NYAP2: variants seen among roughly 807,000 people sequenced by gnomAD.
NYAP2 encodes neuronal tyrosine-phosphorylated phosphoinositide-3-kinase adapter 2.
A neutral mutation model predicts 50.4 loss-of-function variants in NYAP2; 23 were observed. The observed-to-expected ratio is 0.46, with a 90% confidence interval of 0.33 to 0.65. NYAP2 has a LOEUF of 0.65. Ranked by LOEUF, NYAP2 falls within the 30% of genes least tolerant of loss-of-function variation. The probability of loss-of-function intolerance (pLI) is 0.02; values close to 1 mark genes in which losing one functional copy is unlikely to be tolerated. For synonymous variants in NYAP2, 394 were observed against 365.2 expected (o/e 1.08, Z -0.90); for missense variants, 885 against 861.0 (o/e 1.03, Z -0.35).
chr2:225,561,092 G>A (rs1691864131), intron 4 of NYAP2, among the ~76,000 whole-genome samples: 1 of 151,952 alleles, frequency 6.6e-6, no homozygotes, highest in Admixed American at 6.6e-5. Flanking sequence ...GTGGGAAGAG[G>A]CAGCGATATT....
chr2:225,456,237 A>G (rs1689737096), intron 3 of NYAP2, among the ~76,000 whole-genome samples: 1 of 152,218 alleles, frequency 6.6e-6, no homozygotes, highest in Non-Finnish European at 1.5e-5. Context: ...ACCCTTGCCC[A>G]GACTTTCTGC....
intron 4 of NYAP2, among the ~76,000 whole-genome samples, chr2:225,569,185 T>G (rs1052738958): frequency 2.0e-5 from 3 of 152,130 alleles, no homozygotes; most frequent in African/African-American, 7.2e-5. Context: ...GGCTGGTAAA[T>G]GATTACCTTT....
At chr2:225,587,601 T>C (rs1364681910) in intron 5 of NYAP2, among the ~76,000 whole-genome samples, 4 of 152,148 alleles carry the variant, frequency 2.6e-5, no homozygotes, top group Non-Finnish European at 4.4e-5. Context: ...TCTTCAGGTC[T>C]TTGGGTGTAG....
At chr2:225,481,782 T>G (rs1206861395) in intron 3 of NYAP2, among the ~76,000 whole-genome samples, 1 of 152,160 alleles carries the variant, frequency 6.6e-6, no homozygotes, top group Non-Finnish European at 1.5e-5. Flanking sequence ...TCCACCCCCT[T>G]AGGCATCCAT....
chr2:225,584,547 C>G (rs1042284287), intron 5 of NYAP2, among the ~76,000 whole-genome samples: 2 of 152,242 alleles, frequency 1.3e-5, no homozygotes, highest in Non-Finnish European at 2.9e-5. Flanking sequence ...GTAATCCCTC[C>G]ATGTGATTTT....
At chr2:225,656,771 A>T (rs1408669827), downstream of NYAP2, among the ~76,000 whole-genome samples, 1 of 151,684 alleles carries the variant, frequency 6.6e-6, no homozygotes, top group Non-Finnish European at 1.5e-5. Context: ...CTTTGCAGGG[A>T]CTGTGCTCAG....
rs1182934107 is a variant in NYAP2 at position 225,602,888 on chromosome 2, C to T, written c.1618+19853C>T. 2.0e-5 allele frequency among the ~76,000 whole-genome samples: 3 copies of T among 151,880 alleles called. No individual in the cohort carries two copies. The East Asian group carries it at 5.8e-4, about 29-fold the overall frequency. On this transcript the variant is annotated intron_variant, in intron 5 of 6. Transcript: ENST00000636099. ...GTTTTGAAATCGGGCCATGTGAGAC[C>T]TCCAATTTTGTTCTTCTTTTTCAAG...
chr2:225,544,277 T>C (rs1411388235), intron 4 of NYAP2, among the ~76,000 whole-genome samples: 1 of 151,898 alleles, frequency 6.6e-6, no homozygotes, highest in African/African-American at 2.4e-5. Flanking sequence ...GTTTAATCCA[T>C]TTATGTTCAA....
At chr2:225,602,125 C>A (rs937232740) in intron 5 of NYAP2, among the ~76,000 whole-genome samples, 1 of 152,282 alleles carries the variant, frequency 6.6e-6, no homozygotes, top group Middle Eastern at 3.4e-3. Flanking sequence ...AGCTATGGGA[C>A]TCAGTCTGGG....
At position 225,400,205 on chromosome 2, in the gene NYAP2, T is replaced by G. The variant is rs1574594350; in HGVS notation, c.-551T>G. ...GAACGCTGGCAGCCTTGCCGTTCAA[T>G]GCAGACGGATTGCAGAAACAGAGAA... On this transcript the variant is annotated 5_prime_UTR_variant, in exon 1 of 7. An upstream start codon of the reference 5' UTR is lost. Transcript: ENST00000636099. 1 of 152,222 alleles carries G rather than the reference T, an allele frequency of 6.6e-6. No individual in the cohort carries two copies. Among genetic ancestry groups the G allele is most frequent in the East Asian group, 1.9e-4 (1 of 5,148 alleles). 9.4% of individuals were successfully genotyped at this position (152,222 alleles called of 1,614,324 possible). A position where few individuals can be genotyped will look rare whatever the true frequency, so the allele number is the denominator to read the frequency against.
the NYAP2 span, among the ~76,000 whole-genome samples, chr2:225,687,420 C>T: frequency 6.6e-6 from 1 of 152,112 alleles, no homozygotes; most frequent in South Asian, 2.1e-4. Flanking sequence ...GCCAATTTAT[C>T]TTAGAACTTT....
chr2:225,544,789 C>A (rs1691542256), intron 4 of NYAP2, among the ~76,000 whole-genome samples: 1 of 152,042 alleles, frequency 6.6e-6, no homozygotes, highest in African/African-American at 2.4e-5. Context: ...TTTTTACCTT[C>A]ATGTGATTTC....
chr2:225,682,382 G>A, the NYAP2 span, among the ~76,000 whole-genome samples: 71 of 152,270 alleles, frequency 4.7e-4, no homozygotes, highest in East Asian at 1.2e-3. Context: ...AAATGAGGAA[G>A]AAGATATGAA....
intron 3 of NYAP2, among the ~76,000 whole-genome samples, chr2:225,503,719 A>C (rs1690648074): frequency 6.6e-6 from 1 of 152,226 alleles, no homozygotes; most frequent in African/African-American, 2.4e-5. Context: ...TTTTTCAAGC[A>C]TAACTCCCTA....
intron 3 of NYAP2, among the ~76,000 whole-genome samples, chr2:225,467,513 CATT>C (rs1689939533): frequency 6.6e-6 from 1 of 152,146 alleles, no homozygotes. Context: ...ATAAACAAAA[CATT>C]AGTCACCCAA....
intron 6 of NYAP2, among the ~76,000 whole-genome samples, chr2:225,645,179 A>G (rs1235522909): frequency 6.6e-6 from 1 of 150,838 alleles, no homozygotes. Flanking sequence ...AATCACTTGA[A>G]CCCGGAAGGT....
At chr2:225,641,633 T>A (rs1693536568) in intron 6 of NYAP2, among the ~76,000 whole-genome samples, 1 of 151,990 alleles carries the variant, frequency 6.6e-6, no homozygotes, top group African/African-American at 2.4e-5. Context: ...GCCAACATGG[T>A]AAAACCCCAT....
chr2:225,465,038 T>A (rs1486866521), intron 3 of NYAP2, among the ~76,000 whole-genome samples: 1 of 152,188 alleles, frequency 6.6e-6, no homozygotes, highest in Non-Finnish European at 1.5e-5. Flanking sequence ...TGGTACAAAC[T>A]TAGGAATCTA....
At chr2:225,554,345 G>T (rs1439193110) in intron 4 of NYAP2, among the ~76,000 whole-genome samples, 2 of 138,996 alleles carry the variant, frequency 1.4e-5, no homozygotes, top group Non-Finnish European at 3.0e-5. Context: ...TTTTGAGACA[G>T]AATCTCATTC....
Sources: allele counts gnomAD v4.1 joint callset (sites outside exome capture counted in the v4.1 genomes callset), GRCh38; gene constraint gnomAD v4.1.1; transcripts MANE v1.5; gene names NCBI Gene and HGNC (gene_info 2026-07-23, HGNC 2026-07-21).